MEX3B: variants seen among roughly 807,000 people sequenced by gnomAD.
MEX3B encodes the protein mex-3 RNA binding family member B, also known as RNA-binding protein MEX3B.
MEX3B carries 10 observed loss-of-function variants against 12.2 expected under a neutral mutation model. That is an observed-to-expected ratio of 0.82 (90% CI 0.51 to 1.40). The LOEUF is 1.40. Ranked by LOEUF, MEX3B falls within the 40% of genes most tolerant of loss-of-function variation. The probability of loss-of-function intolerance (pLI) is 0.00; values close to 1 mark genes in which losing one functional copy is unlikely to be tolerated. For synonymous variants in MEX3B, 498 were observed against 356.3 expected, an observed-to-expected ratio of 1.40 and a Z score of -4.48; for missense variants, 839 against 801.4, an observed-to-expected ratio of 1.05 and a Z score of -0.57.
At chr15:82,045,273 G>A (rs757748787) in intron 1 of MEX3B, 177 bp downstream of exon 1, 6 of 798,558 alleles carry the variant, frequency 7.5e-6, no homozygotes. Context: ...GCGCGGCTCC[G>A]GGAGACAGCC....
chr15:82,043,558 A>G lies in MEX3B; in HGVS notation c.1312T>C (p.Cys438Arg). The change falls in exon 2 of 2, where the codon TGC becomes CGC. Residue 438 changes from cysteine to arginine, a missense_variant. Around this residue, in one of 3 missense-constraint regions of MEX3B, gnomAD observed 573 missense variants for 488.9 expected, o/e 1.17. Transcript: ENST00000329713. ...TGCAAGGGTGGAGACAGGCGCGGGCAGCTGGTGCCAGGGTGCAGCCGGCGG... is the reference window on the plus strand; with the variant it reads ...TGCAAGGGTGGAGACAGGCGCGGGCGGCTGGTGCCAGGGTGCAGCCGGCGG... Reference protein sequence around the residue: ...VHRRLHPGTSCPRLSPPLHMA... With the variant: ...VHRRLHPGTSRPRLSPPLHMA... 6.5e-7 allele frequency: 1 copy of G among 1,542,644 alleles called. No homozygotes were observed.
rs1341265176 is a variant in MEX3B at position 82,043,917 on chromosome 15, T to C, written c.953A>G (p.Tyr318Cys). The stretch of plus-strand genomic sequence containing the variant: ...GCTCAGGGCGGGGCTAGGGGGGCTG[T>C]AGTCCGCCAGGCGCTGGGTAGCCGC... ...SAAATQRLAD[Y>C]SPPSPALSFA... The change falls in exon 2 of 2, where the codon TAC (tyrosine) becomes TGC (cysteine). Residue 318 changes from tyrosine to cysteine, a missense_variant. Around this residue, in one of 3 missense-constraint regions of MEX3B, gnomAD observed 573 missense variants for 488.9 expected, o/e 1.17. Coordinates refer to ENST00000329713, the MANE Select transcript of MEX3B (RefSeq NM_032246.6). 6.3e-7 allele frequency: 1 copy of C among 1,599,940 alleles called. No individual in the cohort carries two copies. Among genetic ancestry groups the C allele is most frequent in the African/African-American group, 1.3e-5 (1 of 74,886 alleles).
At chr15:82,045,303 T>C (rs775634965) in intron 1 of MEX3B, 147 bp downstream of exon 1, 4 of 987,942 alleles carry the variant, frequency 4.0e-6, no homozygotes, top group Non-Finnish European at 6.2e-6. Context: ...TTTCTTTGTC[T>C]GGGGCGCCGG....
Position 82,044,594 on chromosome 15 carries a change from C to T in MEX3B, c.276G>A (p.Leu92=). The change falls in exon 2 of 2, where the codon CTG becomes CTA. Residue 92 remains leucine (L), a synonymous_variant. Transcript: ENST00000329713. The surrounding 1 kb of genome is among the most constrained non-coding windows in gnomAD (Gnocchi z 5.3). ...VGRQGCKIKA[L]RAKTNTYIKT... is the part of the protein sequence containing the mutation. Reference sequence around the variant, plus strand: ...TGATGTAAGTATTGGTCTTCGCCCGCAGCGCTTTGATTTTACAACCTACGA... The same window carrying T: ...TGATGTAAGTATTGGTCTTCGCCCGTAGCGCTTTGATTTTACAACCTACGA... The T allele has an allele frequency of 1.2e-6, 2 of 1,614,204 alleles. No individual in the cohort carries two copies. The highest frequency in any genetic ancestry group is 1.7e-6 in the Non-Finnish European group (2 of 1,180,042).
chr15:82,045,281 G>C, intron 1 of MEX3B, 169 bp downstream of exon 1: 1 of 834,372 alleles, frequency 1.2e-6, no homozygotes, highest in Non-Finnish European at 2.0e-6. Context: ...CCGGGAGACA[G>C]CCTGCCTGCA....
Position 82,044,311 on chromosome 15 carries a change from G to C in MEX3B, c.559C>G (p.Gln187Glu). 6.2e-7 allele frequency: 1 copy of C among 1,613,238 alleles called. No homozygotes were observed. Among genetic ancestry groups the C allele is most frequent in the Non-Finnish European group, 8.5e-7 (1 of 1,180,016 alleles). ...GPKGATIKRI[Q>E]QQTHTYIVTP... ...ACGATGTACGTGTGCGTCTGCTGCT[G>C]GATGCGCTTGATTGTGGCGCCTTTG... The change falls in exon 2 of 2, where the codon CAG (glutamine) becomes GAG (glutamate). Residue 187 changes from glutamine to glutamate, a missense_variant. Transcript: ENST00000329713. This position sits in a 1 kb window ranked among gnomAD's most constrained non-coding sequence, Gnocchi z 5.3.
Position 82,044,050 on chromosome 15 carries a change from G to C in MEX3B, c.820C>G (p.Pro274Ala). The C allele has an allele frequency of 2.5e-6, 4 of 1,606,284 alleles. No homozygotes were observed. The highest frequency in any genetic ancestry group is 3.4e-6 in the Non-Finnish European group (4 of 1,178,854). The part of the protein sequence containing the change: ...LWSKPTPSIT[P>A]TPGRKPFSSY... ...GAGAAAGGCTTGCGGCCGGGGGTGGGCGTGATGCTGGGGGTGGGCTTGCTC... is the reference window on the plus strand; with the variant it reads ...GAGAAAGGCTTGCGGCCGGGGGTGGCCGTGATGCTGGGGGTGGGCTTGCTC... The change falls in exon 2 of 2, where the codon CCC becomes GCC. Residue 274 changes from proline (P) to alanine (A), a missense_variant. Pro to Ala is a conservative substitution (Grantham distance 27, BLOSUM62 -1). Transcript: ENST00000329713. This position sits in a 1 kb window ranked among gnomAD's most constrained non-coding sequence, Gnocchi z 5.3.
chr15:82,045,163 C>G (rs2073248791), intron 1 of MEX3B: 6 of 613,946 alleles, frequency 9.8e-6, no homozygotes, highest in Non-Finnish European at 1.8e-5. Flanking sequence ...CCCCAAGCAT[C>G]TTACATTTAA....
At chr15:82,045,354 G>A (rs1208362325) in intron 1 of MEX3B, 96 bp downstream of exon 1, 1 of 1,433,388 alleles carries the variant, frequency 7.0e-7, no homozygotes, top group Admixed American at 1.9e-5. Context: ...GGCACCCCAC[G>A]CCGCGGATCC....
chr15:82,044,060 G>A lies in MEX3B; in HGVS notation c.810C>T (p.Pro270=), dbSNP rs372605609. 2 of 1,608,656 alleles carry A rather than the reference G, an allele frequency of 1.2e-6. No individual in the cohort carries two copies. Among genetic ancestry groups the A allele is most frequent in the African/African-American group, 1.3e-5 (1 of 74,890 alleles). ...TGCGGCCGGGGGTGGGCGTGATGCT[G>A]GGGGTGGGCTTGCTCCAGAGGCTGC... ...GPGSLWSKPT[P]SITPTPGRKP... is the part of the protein sequence containing the mutation. Residue 270 remains proline, a synonymous_variant, in exon 2 of 2, where the codon CCC becomes CCT. Transcript: ENST00000329713. This position sits in a 1 kb window ranked among gnomAD's most constrained non-coding sequence, Gnocchi z 5.3.
Position 82,044,887 on chromosome 15 carries a change from A to G in MEX3B, c.257-274T>C. 1.7e-6 allele frequency: 1 copy of G among 581,322 alleles called. No homozygotes were observed. The highest frequency in any genetic ancestry group is 3.1e-6 in the Non-Finnish European group (1 of 325,644). 36.0% of individuals were successfully genotyped at this position (581,322 alleles called of 1,614,324 possible). On this transcript the variant is annotated intron_variant, in intron 1 of 1. Coordinates refer to ENST00000329713, the MANE Select transcript of MEX3B (RefSeq NM_032246.6). The surrounding 1 kb of genome is among the most constrained non-coding windows in gnomAD (Gnocchi z 5.3). ...GTCCCGAACCAAACCCGAGAATCCC[A>G]GAAAAGTCATCTGGGGAGATGCCGC...
chr15:82,045,412 A>ACCACCCCCCCCCCCCCCCCCCAACCC, intron 1 of MEX3B, 38 bp downstream of exon 1: 1 of 1,573,610 alleles, frequency 6.4e-7, no homozygotes, highest in Non-Finnish European at 8.6e-7. Flanking sequence ...GAGACCCTAC[A>ACCACCCCCCCCCCCCCCCCCCAACCC]CCACCCCCAC....
Position 82,041,805 on chromosome 15 carries a change from A to AT in MEX3B, c.*1354dup, listed in dbSNP as rs1297373152. On this transcript the variant is annotated 3_prime_UTR_variant, in exon 2 of 2. Coordinates refer to ENST00000329713, the MANE Select transcript of MEX3B (RefSeq NM_032246.6). ...AGATTTTCTTCAATATTTTATTTAT[A>AT]TAGAAATACTTAAAAAATGAAGTAG... 6.6e-6 allele frequency: 1 copy of AT among 152,632 alleles called. No homozygotes were observed. Among genetic ancestry groups the AT allele is most frequent in the East Asian group, 1.9e-4 (1 of 5,204 alleles). The allele number at this position is 152,632 out of a possible 1,614,324, so 9.5% of individuals were successfully genotyped here. A position where few individuals can be genotyped will look rare whatever the true frequency, so the allele number is the denominator to read the frequency against.
In MEX3B at chr15:82,042,173, T is replaced by C. The variant is rs564522466; in HGVS notation, c.*987A>G. 1.3e-5 allele frequency: 2 copies of C among 152,760 alleles called. No homozygotes were observed. Among genetic ancestry groups the C allele is most frequent in the South Asian group, 4.1e-4 (2 of 4,834 alleles). The allele number at this position is 152,760 out of a possible 1,614,324, so 9.5% of individuals were successfully genotyped here. ...AAAGCATCAACAGTTCTTTTTGACA[T>C]GTTTATACATTTCCGTTTTTGTAAT... is the stretch of plus-strand genomic sequence containing the variant. On this transcript the variant is annotated 3_prime_UTR_variant, in exon 2 of 2. Coordinates refer to ENST00000329713, the MANE Select transcript of MEX3B (RefSeq NM_032246.6).
rs548210663 is a variant in MEX3B, at chr15:82,044,027, G to A, written c.843C>T (p.Phe281=). ...SITPTPGRKP[F]SSYRNDSSSS... The stretch of plus-strand genomic sequence containing the variant: ...TGGAGCTGTCGTTGCGGTAGCTAGA[G>A]AAAGGCTTGCGGCCGGGGGTGGGCG... The change falls in exon 2 of 2, where the codon TTC becomes TTT. Residue 281 remains phenylalanine, a synonymous_variant. Transcript: ENST00000329713. This position sits in a 1 kb window ranked among gnomAD's most constrained non-coding sequence, Gnocchi z 5.3. The A allele has an allele frequency of 1.2e-6, 2 of 1,606,230 alleles. No homozygotes were observed. The highest frequency in any genetic ancestry group is 1.7e-6 in the Non-Finnish European group (2 of 1,179,190).
chr15:82,044,655 A>G lies in MEX3B; in HGVS notation c.257-42T>C. 1.3e-6 allele frequency: 2 copies of G among 1,598,860 alleles called. No homozygotes were observed. Among genetic ancestry groups the G allele is most frequent in the Non-Finnish European group, 1.7e-6 (2 of 1,167,080 alleles). ...GGAGGAGGGAGTGGGAGAGAGAGAC[A>G]GACACGCCCATTATCCTGGGGTAAC... On this transcript the variant is annotated intron_variant, in intron 1 of 1. Transcript: ENST00000329713. This position sits in a 1 kb window ranked among gnomAD's most constrained non-coding sequence, Gnocchi z 5.3.
rs143760101 is a variant in MEX3B, at chr15:82,044,246, G to C, written c.624C>G (p.Thr208=). The C allele has an allele frequency of 3.2e-5, 52 of 1,613,920 alleles. No individual in the cohort carries two copies. The highest frequency in any genetic ancestry group is 6.7e-5 in the Admixed American group (4 of 60,008). The part of the protein sequence containing the change: ...SRDKEPVFEV[T]GMPENVDRAR... ...CGCGATCCACGTTCTCTGGCATGCC[G>C]GTCACCTCGAACACCGGCTCCTTAT... Residue 208 remains threonine (T), a synonymous_variant, in exon 2 of 2, where the codon ACC becomes ACG. Coordinates refer to ENST00000329713, the MANE Select transcript of MEX3B (RefSeq NM_032246.6). This position sits in a 1 kb window ranked among gnomAD's most constrained non-coding sequence, Gnocchi z 5.3.
chr15:82,043,446 G>A lies in MEX3B; in HGVS notation c.1424C>T (p.Ala475Val), dbSNP rs369068173. The A allele has an allele frequency of 5.1e-6, 8 of 1,554,112 alleles. No individual in the cohort carries two copies. In the African/African-American group the frequency reaches 1.1e-4, roughly 21 times the overall value. ...AGGCAGCTGTGCCCCCAGCCCGTTG[G>A]CATAAGCGGCGTAGGCCAGGCCTCC... ...GGGGLAYAAYANGLGAQLPGL... is the reference protein window; with the variant it reads ...GGGGLAYAAYVNGLGAQLPGL... The change falls in exon 2 of 2, where the codon GCC becomes GTC. Residue 475 changes from alanine (A) to valine (V), a missense_variant. Ala to Val is a moderately conservative substitution (Grantham distance 64). Transcript: ENST00000329713.
chr15:82,045,225 G>T, intron 1 of MEX3B: 1 of 663,208 alleles, frequency 1.5e-6, no homozygotes, highest in Non-Finnish European at 2.7e-6. Context: ...AGAAGGCAGT[G>T]ATTTTAGCAG....
Sources: gnomAD v4.1 joint callset for allele counts on GRCh38, gnomAD v4.1.1 for gene constraint, gnomAD v4.1.1 regional missense constraint, Gnocchi (gnomAD v3.1) non-coding constraint, MANE v1.5 for transcripts, NCBI Gene and HGNC (gene_info 2026-07-23, HGNC 2026-07-21) for gene names.